DYM: variants seen among roughly 807,000 people sequenced by gnomAD.
DYM encodes the protein dyggve-Melchior-Clausen syndrome protein.
Under a neutral mutation model 93.1 loss-of-function variants are expected in DYM, and 78 were observed. The observed-to-expected ratio is 0.84, with a 90% confidence interval of 0.70 to 1.01. The LOEUF is 1.01. Ranked by LOEUF, DYM falls within the 50% of genes least tolerant of loss-of-function variation. DYM has a pLI of 0.00. For synonymous variants in DYM, 321 were observed against 319.7 expected, an observed-to-expected ratio of 1.00 and a Z score of -0.04; for missense variants, 789 against 845.0, an observed-to-expected ratio of 0.93 and a Z score of 0.82.
chr18:49,147,903 T>C (rs1244861259), intron 15 of DYM, among the ~76,000 whole-genome samples: 14 of 152,214 alleles, frequency 9.2e-5, no homozygotes, highest in African/African-American at 2.7e-4. Flanking sequence ...TGTATGTTTA[T>C]TGCGGCACTA....
Position 49,207,685 on chromosome 18 carries a change from T to C in DYM, c.1625+1866A>G, listed in dbSNP as rs373560211. Among the ~76,000 whole-genome samples, 408 of 152,328 alleles carry C rather than the reference T, an allele frequency of 2.7e-3. 24 individuals are homozygous for C. The South Asian group carries it at 0.076, about 28-fold the overall frequency. ...TGCCTGAGTCACTTGTCTGACGGCC[T>C]GCCCTGTGCATTTAGAATTTGAGAC... On this transcript the variant is annotated intron_variant, in intron 14 of 17. Transcript: ENST00000675505.
chr18:49,431,658 T>C (rs972564613), intron 1 of DYM: 2 of 152,322 alleles, frequency 1.3e-5, no homozygotes, highest in South Asian at 2.1e-4. Context: ...GAAAGGAAAC[T>C]ACATGGCCTC....
intron 6 of DYM, among the ~76,000 whole-genome samples, chr18:49,348,053 C>CCTGCA (rs1555702226): frequency 3.3e-5 from 5 of 152,130 alleles, no homozygotes; most frequent in Non-Finnish European, 1.5e-5. Flanking sequence ...GCGCCATGAC[C>CCTGCA]CTGCACTGCA....
chr18:49,046,313 ACACACAC>A (rs2071534553), intron 17 of DYM, among the ~76,000 whole-genome samples: 3 of 151,568 alleles, frequency 2.0e-5, no homozygotes, highest in African/African-American at 7.3e-5. Flanking sequence ...GCACACACAC[ACACACAC>A]CAGACACACA....
At chr18:49,394,581 T>C (rs1321286627) in intron 2 of DYM, among the ~76,000 whole-genome samples, 1 of 152,228 alleles carries the variant, frequency 6.6e-6, no homozygotes, top group Non-Finnish European at 1.5e-5. Context: ...CACTGGTATT[T>C]TGATAGGGAT....
At chr18:49,443,907 C>G (rs1483521098) in intron 1 of DYM, among the ~76,000 whole-genome samples, 1 of 152,192 alleles carries the variant, frequency 6.6e-6, no homozygotes, top group Non-Finnish European at 1.5e-5. Flanking sequence ...ACATCCTACT[C>G]TTTCCATGAA....
At chr18:49,227,495 C>G (rs142119778) in intron 13 of DYM, among the ~76,000 whole-genome samples, 1 of 152,086 alleles carries the variant, frequency 6.6e-6, no homozygotes, top group African/African-American at 2.4e-5. Flanking sequence ...GCCATTAAGT[C>G]ATTATCAGAA....
chr18:49,442,394 A>G (rs2081717081), intron 1 of DYM, among the ~76,000 whole-genome samples: 1 of 426 alleles, frequency 2.3e-3, no homozygotes, highest in South Asian at 0.083. Flanking sequence ...ACAAAAAAAT[A>G]AACAAATTAG....
intron 3 of DYM, among the ~76,000 whole-genome samples, chr18:49,383,066 A>C (rs1372555811): frequency 6.6e-6 from 1 of 152,194 alleles, no homozygotes; most frequent in Non-Finnish European, 1.5e-5. Flanking sequence ...CGTTGTGGGA[A>C]ACTCCACCAC....
chr18:49,371,398 A>G (rs1311517939), intron 5 of DYM, among the ~76,000 whole-genome samples: 1 of 152,156 alleles, frequency 6.6e-6, no homozygotes, highest in African/African-American at 2.4e-5. Context: ...CTAGCTATTC[A>G]GGAGGCTGAG....
chr18:49,267,916 CAAACA>C (rs1033947576), intron 11 of DYM, among the ~76,000 whole-genome samples: 12 of 151,954 alleles, frequency 7.9e-5, no homozygotes, highest in African/African-American at 2.9e-4. Context: ...AACAAACAAA[CAAACA>C]AAAGTATCAA....
intron 15 of DYM, among the ~76,000 whole-genome samples, chr18:49,144,891 G>A (rs1465265216): frequency 2.6e-5 from 4 of 151,610 alleles, no homozygotes; most frequent in East Asian, 1.9e-4. Flanking sequence ...GAGGGCACGA[G>A]TTTCAGACCA....
At chr18:49,254,941 TAGG>T (rs1359672959) in intron 13 of DYM, among the ~76,000 whole-genome samples, 11 of 152,272 alleles carry the variant, frequency 7.2e-5, no homozygotes, top group African/African-American at 2.6e-4. Context: ...AACTCCAAGG[TAGG>T]AGGAGACTGC....
At chr18:49,289,725 GTGTATA>G (rs1259697789) in intron 8 of DYM, among the ~76,000 whole-genome samples, 9 of 13,740 alleles carry the variant, frequency 6.6e-4, no homozygotes, top group African/African-American at 1.4e-3. Flanking sequence ...ATATATATAT[GTGTATA>G]TATATATATA....
intron 1 of DYM, among the ~76,000 whole-genome samples, chr18:49,454,158 G>A (rs1004001750): frequency 6.6e-6 from 1 of 152,116 alleles, no homozygotes; most frequent in African/African-American, 2.4e-5. Flanking sequence ...TCAGCAGGAA[G>A]TAGCCAGAAA....
chr18:49,171,482 T>C (rs1353905199), intron 14 of DYM, among the ~76,000 whole-genome samples: 1 of 151,890 alleles, frequency 6.6e-6, no homozygotes, highest in East Asian at 1.9e-4. Flanking sequence ...GTGTAGAGAG[T>C]TAGGTGCTTG....
intron 6 of DYM, among the ~76,000 whole-genome samples, chr18:49,352,512 GC>G (rs1345285332): frequency 6.6e-6 from 1 of 152,170 alleles, no homozygotes; most frequent in African/African-American, 2.4e-5. Flanking sequence ...CCAAGTGGTT[GC>G]CAGGGACGAG....
intron 2 of DYM, among the ~76,000 whole-genome samples, chr18:49,396,969 G>A (rs1403468696): frequency 2.0e-5 from 3 of 152,112 alleles, no homozygotes; most frequent in South Asian, 2.1e-4. Flanking sequence ...TTAGATAAAA[G>A]GGATAAGTTC....
chr18:49,316,929 T>C (rs1455990589), intron 8 of DYM, among the ~76,000 whole-genome samples: 1 of 152,238 alleles, frequency 6.6e-6, no homozygotes, highest in Non-Finnish European at 1.5e-5. Flanking sequence ...AATTCCACTT[T>C]ATGAATGTAC....
Sources: gnomAD v4.1 joint callset for allele counts (sites outside exome capture counted in the v4.1 genomes callset) on GRCh38, gnomAD v4.1.1 for gene constraint, MANE v1.5 for transcripts, NCBI Gene and HGNC (gene_info 2026-07-23, HGNC 2026-07-21) for gene names.